Variants in PI16 observed in about 807,000 individuals in gnomAD.
The protein encoded by PI16 is peptidase inhibitor 16, also known as PSP94-binding protein.
Under a neutral mutation model 38.0 loss-of-function variants are expected in PI16, and 35 were observed. The observed-to-expected ratio is 0.92, with a 90% confidence interval of 0.70 to 1.22. The LOEUF is 1.22. PI16 is among the 50% of genes most tolerant of loss of function. PI16 has a pLI of 0.00. For synonymous variants in PI16, 275 were observed against 252.9 expected (o/e 1.09, Z -0.83); for missense variants, 572 against 593.8 (o/e 0.96, Z 0.38).
rs1322428553 is a variant in PI16 at position 36,962,902 on chromosome 6, A to T, written c.593-33A>T. 5.8e-6 allele frequency: 9 copies of T among 1,562,156 alleles called. No homozygotes were observed. Among genetic ancestry groups the T allele is most frequent in the Non-Finnish European group, 7.0e-6 (8 of 1,150,174 alleles). On this transcript the variant is annotated intron_variant, in intron 4 of 6. Transcript: ENST00000373674. The surrounding 1 kb of genome is among the most constrained non-coding windows in gnomAD (Gnocchi z 4.1). ...ATGAGAGATGTGGGGTCCTGCTTGC[A>T]GCACTCATGCCCGTTCTCGTCTGTC...
chr6:36,961,459 G>A lies in PI16; in HGVS notation c.402G>A (p.Trp134Ter), dbSNP rs1371235966. 1 of 1,614,062 alleles carries A rather than the reference G, an allele frequency of 6.2e-7. No individual in the cohort carries two copies. Among genetic ancestry groups the A allele is most frequent in the African/African-American group, 1.3e-5 (1 of 74,930 alleles). Residue 134 changes from tryptophan (W) to a stop codon, truncating the protein, a stop_gained, in exon 3 of 7, where the codon TGG becomes TGA. Coordinates refer to ENST00000373674, the MANE Select transcript of PI16 (RefSeq NM_153370.3). LOFTEE classifies it high-confidence loss of function. Reference sequence around the variant, plus strand: ...GGTTTGCCCTTCATCAGGTGGTATGGGCCAAGACAGAGAGGATCGGCTGTG... The same window carrying A: ...GGTTTGCCCTTCATCAGGTGGTATGAGCCAAGACAGAGAGGATCGGCTGTG... ...QMCGHYTQVV[W>*]AKTERIGCGS...
intron 1 of PI16, among the ~76,000 whole-genome samples, chr6:36,955,480 T>A (rs936565003): frequency 2.0e-5 from 3 of 151,850 alleles, no homozygotes; most frequent in African/African-American, 7.3e-5. Flanking sequence ...GATCACACAG[T>A]CCAAATTCTG....
chr6:36,955,519 G>A (rs1192372389), intron 1 of PI16, among the ~76,000 whole-genome samples: 2 of 152,056 alleles, frequency 1.3e-5, no homozygotes, highest in Admixed American at 1.3e-4. Flanking sequence ...CCTATGATTC[G>A]AGGCAAGTCC....
At chr6:36,956,976 T>G (rs1010852616) in intron 1 of PI16, among the ~76,000 whole-genome samples, 1 of 152,168 alleles carries the variant, frequency 6.6e-6, no homozygotes, top group African/African-American at 2.4e-5. Flanking sequence ...CCCCCTTCTC[T>G]TTTCAGCACA....
Position 36,961,327 on chromosome 6 carries a change from C to T in PI16, c.394-124C>T, listed in dbSNP as rs116111812. 6.9e-5 allele frequency: 54 copies of T among 787,422 alleles called. 1 individual carries two copies. Among genetic ancestry groups the T allele is most frequent in the African/African-American group, 6.1e-4 (36 of 59,134 alleles). 48.8% of individuals were successfully genotyped at this position (787,422 alleles called of 1,614,324 possible). ...TCCTGAACCTGCATGGCCTTGGGGA[C>T]GTGGATGTCACAGGCTATAGGGTGC... On this transcript the variant is annotated intron_variant, in intron 2 of 6. Coordinates refer to ENST00000373674, the MANE Select transcript of PI16 (RefSeq NM_153370.3).
chr6:36,955,633 G>A (rs1763184258), intron 1 of PI16, among the ~76,000 whole-genome samples: 2 of 152,154 alleles, frequency 1.3e-5, no homozygotes, highest in Non-Finnish European at 2.9e-5. Flanking sequence ...ACTGAATGGG[G>A]GAGGAAATAA....
rs1763385255 is a variant in PI16 at position 36,962,181 on chromosome 6, A to G, written c.592+207A>G. On this transcript the variant is annotated intron_variant, in intron 4 of 6. Transcript: ENST00000373674. This position sits in a 1 kb window ranked among gnomAD's most constrained non-coding sequence, Gnocchi z 4.1. ...TGTCGTTCCAAGTGGCCGGATTTCA[A>G]CCCTTCAAAGGGAGGATGTTAGAAA... Among the ~76,000 whole-genome samples the G allele has an allele frequency of 6.6e-6, 1 of 151,994 alleles. No homozygotes were observed. The highest frequency in any genetic ancestry group is 1.5e-5 in the Non-Finnish European group (1 of 67,990).
chr6:36,959,287 A>G lies in PI16; in HGVS notation c.314A>G (p.Glu105Gly). Reference sequence around the variant, plus strand: ...ATGGACGTGCCGCTGGCCATGGAGGAGTGGCACCACGAGCGTGAGCACTAC... The same window carrying G: ...ATGGACGTGCCGCTGGCCATGGAGGGGTGGCACCACGAGCGTGAGCACTAC... ...EGMDVPLAME[E>G]WHHEREHYNL... is the part of the protein sequence containing the mutation. Residue 105 changes from glutamate to glycine, a missense_variant, in exon 2 of 7, where the codon GAG becomes GGG. Transcript: ENST00000373674. 6.3e-7 allele frequency: 1 copy of G among 1,597,348 alleles called. No individual in the cohort carries two copies. Among genetic ancestry groups the G allele is most frequent in the South Asian group, 1.1e-5 (1 of 88,312 alleles).
chr6:36,958,572 G>A (rs1031559226), intron 1 of PI16, among the ~76,000 whole-genome samples: 2 of 152,100 alleles, frequency 1.3e-5, no homozygotes, highest in African/African-American at 2.4e-5. Flanking sequence ...GACAAGGGTT[G>A]GGAGCAGTTA....
At chr6:36,959,952 A>G (rs1029913765) in intron 2 of PI16, among the ~76,000 whole-genome samples, 1 of 152,076 alleles carries the variant, frequency 6.6e-6, no homozygotes, top group Non-Finnish European at 1.5e-5. Flanking sequence ...TCACAGAGCC[A>G]ATTTTATGGA....
intron 2 of PI16, 132 bp from the exon 3 acceptor site, chr6:36,961,319 C>T (rs767465610): frequency 1.2e-5 from 9 of 757,514 alleles, no homozygotes; most frequent in Non-Finnish European, 2.1e-5. Context: ...CCTGCATGGC[C>T]TTGGGGACGT....
upstream of PI16, among the ~76,000 whole-genome samples, chr6:36,950,459 T>C (rs1309342719): frequency 6.6e-6 from 1 of 152,264 alleles, no homozygotes; most frequent in Non-Finnish European, 1.5e-5. This position sits in a 1 kb window ranked among gnomAD's most constrained non-coding sequence, Gnocchi z 4.2. Flanking sequence ...CATTCATTGA[T>C]GAACATTTGG....
intron 1 of PI16, among the ~76,000 whole-genome samples, chr6:36,958,042 G>T (rs553838475): frequency 6.6e-6 from 1 of 152,376 alleles, no homozygotes; most frequent in Admixed American, 6.5e-5. Context: ...CAAGGTCACA[G>T]CTGTGGAGCT....
chr6:36,948,658 T>A (rs1583225590), intron 1 of PI16, among the ~76,000 whole-genome samples: 1 of 88,940 alleles, frequency 1.1e-5, no homozygotes, highest in Non-Finnish European at 2.4e-5. Flanking sequence ...CCCTCCCTCC[T>A]TCCCTCCTTC....
At chr6:36,953,594 A>G (rs1208343341), upstream of PI16, among the ~76,000 whole-genome samples, 1 of 151,946 alleles carries the variant, frequency 6.6e-6, no homozygotes, top group Non-Finnish European at 1.5e-5. Flanking sequence ...TCAGGCAGGG[A>G]CAGGTTTTCT....
chr6:36,957,935 T>A (rs187676024), intron 1 of PI16, among the ~76,000 whole-genome samples: 12 of 152,326 alleles, frequency 7.9e-5, no homozygotes, highest in African/African-American at 2.6e-4. Context: ...GCCCTGCCCC[T>A]TTCCCACTCC....
rs1370029385 is a variant in PI16, at chr6:36,959,379, CG to C, written c.393+16del. On this transcript the variant is annotated intron_variant, in intron 2 of 6. Transcript: ENST00000373674. ...CCACTACACGCAGGTGTGGGCCCGG[CG>C]GGCGAGGCGGGGCGGAGCCTCGCGG... 2.6e-6 allele frequency: 4 copies of C among 1,541,114 alleles called. No individual in the cohort carries two copies. The Admixed American group carries it at 5.9e-5, about 23-fold the overall frequency.
chr6:36,955,596 G>C (rs1178141262), intron 1 of PI16, among the ~76,000 whole-genome samples: 1 of 152,220 alleles, frequency 6.6e-6, no homozygotes, highest in African/African-American at 2.4e-5. Context: ...GTATATACCA[G>C]TGTGGATTGA....
chr6:36,955,593 C>T (rs1359311908), intron 1 of PI16, among the ~76,000 whole-genome samples: 1 of 152,106 alleles, frequency 6.6e-6, no homozygotes, highest in Non-Finnish European at 1.5e-5. Context: ...TACGTATATA[C>T]CAGTGTGGAT....
Sources: gnomAD v4.1 joint callset for allele counts (sites outside exome capture counted in the v4.1 genomes callset) on GRCh38, gnomAD v4.1.1 for gene constraint, Gnocchi (gnomAD v3.1) non-coding constraint, MANE v1.5 for transcripts, NCBI Gene and HGNC (gene_info 2026-07-23, HGNC 2026-07-21) for gene names.